The following RALY variants were observed in gnomAD, a reference collection of about 807,000 sequenced individuals.
RALY encodes RALY heterogeneous nuclear ribonucleoprotein.
Under a neutral mutation model 30.7 loss-of-function variants are expected in RALY, and 15 were observed. That is an observed-to-expected ratio of 0.49 (90% CI 0.33 to 0.75). The LOEUF (loss-of-function observed/expected upper bound fraction) is 0.75. Among genes scored for constraint, RALY ranks in the 30% least tolerant of loss-of-function variants. RALY has a pLI of 0.02. For synonymous variants in RALY, 177 were observed against 170.8 expected (o/e 1.04, Z -0.28); for missense variants, 339 against 414.3 (o/e 0.82, Z 1.58).
chr20:34,045,430 G>T (rs1157278466), intron 2 of RALY, among the ~76,000 whole-genome samples: 1 of 152,200 alleles, frequency 6.6e-6, no homozygotes, highest in East Asian at 1.9e-4. Flanking sequence ...GGCAGCCAGT[G>T]TGGCTGGAGT....
At chr20:34,068,084 A>C (rs138771355) in intron 2 of RALY, among the ~76,000 whole-genome samples, 33 of 152,228 alleles carry the variant, frequency 2.2e-4, no homozygotes, top group African/African-American at 7.7e-4. Context: ...CTGACATTGC[A>C]GAAGTCTCTA....
At chr20:34,031,271 G>A (rs1424258533) in intron 1 of RALY, among the ~76,000 whole-genome samples, 1 of 150,356 alleles carries the variant, frequency 6.7e-6, no homozygotes, top group Non-Finnish European at 1.5e-5. Flanking sequence ...ATGTTGGCCG[G>A]GCTCGTCTTG....
Position 34,072,239 on chromosome 20 carries a change from G to C in RALY, c.165G>C (p.Lys55Asn). Reference protein sequence around the residue: ...YGRVAGCSVHKGYAFVQYSNE... With the variant: ...YGRVAGCSVHNGYAFVQYSNE... ...GTGTGGCCGGCTGTTCTGTGCACAA[G>C]GGCTATGCCTTTGTTCAGTACTCCA... Residue 55 changes from lysine to asparagine, a missense_variant, in exon 3 of 10, where the codon AAG becomes AAC. Coordinates refer to ENST00000246194, the MANE Select transcript of RALY (RefSeq NM_016732.3). 1 of 1,614,244 alleles carries C rather than the reference G, an allele frequency of 6.2e-7. No individual in the cohort carries two copies. The highest frequency in any genetic ancestry group is 8.5e-7 in the Non-Finnish European group (1 of 1,180,046).
Position 34,077,107 on chromosome 20 carries a change from T to A in RALY, c.738T>A (p.Gly246=). ...GGGSGGGGSG[G]GGGGGSSRPP... ...GCAGCGGTGGCGGTGGCAGTGGTGG[T>A]GGCGGTGGCGGTGGCAGCAGCCGGC... The change falls in exon 8 of 10, where the codon GGT becomes GGA. Residue 246 remains glycine, a synonymous_variant. Transcript: ENST00000246194. 6.3e-7 allele frequency: 1 copy of A among 1,597,472 alleles called. No individual in the cohort carries two copies. The highest frequency in any genetic ancestry group is 1.1e-5 in the South Asian group (1 of 89,944).
chr20:33,996,125 A>G (rs1276119629), intron 1 of RALY, among the ~76,000 whole-genome samples: 5 of 152,200 alleles, frequency 3.3e-5, no homozygotes, highest in Admixed American at 6.5e-5. Context: ...TCTGTGAGGT[A>G]GTTTGCAGAG....
intron 6 of RALY, 96 bp downstream of exon 6, chr20:34,076,136 C>T: frequency 7.2e-7 from 1 of 1,393,560 alleles, no homozygotes; most frequent in Non-Finnish European, 9.8e-7. Context: ...GATAAAACAA[C>T]AAGTCTTCCA....
intron 1 of RALY, among the ~76,000 whole-genome samples, chr20:34,021,673 A>G (rs1000127407): frequency 1.3e-5 from 2 of 152,108 alleles, no homozygotes; most frequent in Non-Finnish European, 2.9e-5. Flanking sequence ...TGGCCATAAA[A>G]GGATACTTGA....
chr20:34,038,328 A>G (rs1250850795), intron 2 of RALY, among the ~76,000 whole-genome samples: 3 of 152,302 alleles, frequency 2.0e-5, no homozygotes, highest in African/African-American at 7.2e-5. Flanking sequence ...CAAGAGAGCA[A>G]AATCTAAGCT....
At chr20:34,076,333 C>T (rs991057461) in intron 6 of RALY, 4 of 514,208 alleles carry the variant, frequency 7.8e-6, no homozygotes, top group African/African-American at 7.6e-5. Context: ...CATTACTCCA[C>T]ATTCACTCTG....
chr20:34,075,853 C>G, intron 5 of RALY, 21 bp from the exon 6 acceptor site: 1 of 1,606,410 alleles, frequency 6.2e-7, no homozygotes, highest in Non-Finnish European at 8.5e-7. Flanking sequence ...GCTGCAGCCT[C>G]TGGCCCATCT....
intron 8 of RALY, among the ~76,000 whole-genome samples, 198 bp from the exon 9 acceptor site, chr20:34,078,307 C>T (rs535689895): frequency 1.3e-5 from 2 of 152,354 alleles, no homozygotes; most frequent in Non-Finnish European, 2.9e-5. Context: ...GTGTGGGGTC[C>T]TCAGACCACC....
intron 3 of RALY, among the ~76,000 whole-genome samples, chr20:34,073,108 A>T (rs1390036112): frequency 6.6e-6 from 1 of 152,206 alleles, no homozygotes; most frequent in African/African-American, 2.4e-5. Context: ...GCTCATTTGC[A>T]TGTGGGTAGT....
At chr20:33,997,997 T>C (rs2030722158) in intron 1 of RALY, among the ~76,000 whole-genome samples, 1 of 152,324 alleles carries the variant, frequency 6.6e-6, no homozygotes, top group African/African-American at 2.4e-5. Context: ...AATAGAATCT[T>C]GTAGTTGAGG....
chr20:34,045,732 GC>G (rs1472338350), intron 2 of RALY, among the ~76,000 whole-genome samples: 1 of 152,090 alleles, frequency 6.6e-6, no homozygotes, highest in African/African-American at 2.4e-5. Flanking sequence ...ACCTACATTT[GC>G]TCACATGATT....
Position 34,044,019 on chromosome 20 carries a change from T to G in RALY, c.-10+12415T>G, listed in dbSNP as rs144400035. Among the ~76,000 whole-genome samples the G allele has an allele frequency of 1.9e-3, 293 of 151,912 alleles. 1 individual carries two copies. The highest frequency in any genetic ancestry group is 3.1e-3 in the Admixed American group (48 of 15,266). ...ACTTCAAAGATGAGGCATTTGGTAA[T>G]TATGAAGGGGAGACTGTAACTTCCA... On this transcript the variant is annotated intron_variant, in intron 2 of 9. Coordinates refer to ENST00000246194, the MANE Select transcript of RALY (RefSeq NM_016732.3).
intron 2 of RALY, among the ~76,000 whole-genome samples, chr20:34,048,585 G>A (rs2032965374): frequency 6.6e-6 from 1 of 152,148 alleles, no homozygotes; most frequent in South Asian, 2.1e-4. Flanking sequence ...GGCCGGGCGT[G>A]GTGGCTCACG....
At chr20:34,034,599 A>G (rs1156958050) in intron 2 of RALY, among the ~76,000 whole-genome samples, 1 of 152,226 alleles carries the variant, frequency 6.6e-6, no homozygotes, top group African/African-American at 2.4e-5. Flanking sequence ...ATAATAGCTT[A>G]TTTATCTAAC....
At chr20:34,004,415 C>A (rs754406320) in intron 1 of RALY, among the ~76,000 whole-genome samples, 4 of 152,194 alleles carry the variant, frequency 2.6e-5, no homozygotes, top group Non-Finnish European at 5.9e-5. Flanking sequence ...ATGTGCTTCC[C>A]TTCCCCCCTT....
intron 1 of RALY, among the ~76,000 whole-genome samples, chr20:33,995,413 G>A (rs1164480675): frequency 6.6e-6 from 1 of 152,164 alleles, no homozygotes; most frequent in African/African-American, 2.4e-5. Context: ...AGTTTGATGG[G>A]GGTTAGGGGG....
Sources: allele counts gnomAD v4.1 joint callset (sites outside exome capture counted in the v4.1 genomes callset), GRCh38; gene constraint gnomAD v4.1.1; transcripts MANE v1.5; gene names NCBI Gene and HGNC (gene_info 2026-07-23, HGNC 2026-07-21).